MBOAT2: variants seen among roughly 807,000 people sequenced by gnomAD.
The protein encoded by MBOAT2 is membrane bound glycerophospholipid O-acyltransferase 2, also known as membrane-bound glycerophospholipid O-acyltransferase 2.
MBOAT2 carries 28 observed loss-of-function variants against 63.4 expected under a neutral mutation model. That is an observed-to-expected ratio of 0.44 (90% CI 0.33 to 0.61). The LOEUF (loss-of-function observed/expected upper bound fraction) is 0.61. Ranked by LOEUF, MBOAT2 falls within the 20% of genes least tolerant of loss-of-function variation. The probability of loss-of-function intolerance (pLI) is 0.03; values close to 1 mark genes in which losing one functional copy is unlikely to be tolerated. For missense variants in MBOAT2, 470 were observed against 605.8 expected, an observed-to-expected ratio of 0.78 and a Z score of 2.35; for synonymous variants, 211 against 215.6, an observed-to-expected ratio of 0.98 and a Z score of 0.19.
At chr2:8,917,000 A>G (rs1030839404) in intron 3 of MBOAT2, among the ~76,000 whole-genome samples, 5 of 152,240 alleles carry the variant, frequency 3.3e-5, no homozygotes, top group African/African-American at 1.2e-4. Context: ...AAATAAAGCC[A>G]TACATAGATG....
chr2:8,945,711 A>G (rs1289121566), intron 2 of MBOAT2, among the ~76,000 whole-genome samples: 1 of 152,194 alleles, frequency 6.6e-6, no homozygotes, highest in Non-Finnish European at 1.5e-5. Context: ...AGCTACCTAA[A>G]AAGTGCTTTG....
intron 1 of MBOAT2, among the ~76,000 whole-genome samples, chr2:8,992,243 A>G (rs1227171702): frequency 6.6e-6 from 1 of 152,224 alleles, no homozygotes; most frequent in Non-Finnish European, 1.5e-5. Flanking sequence ...CACCCAGTAG[A>G]TAAATGGTTT....
chr2:8,938,282 T>G (rs1156848570), intron 3 of MBOAT2, among the ~76,000 whole-genome samples: 1 of 152,160 alleles, frequency 6.6e-6, no homozygotes, highest in African/African-American at 2.4e-5. Context: ...ACAATATACT[T>G]TGGCCAAAGG....
intron 8 of MBOAT2, among the ~76,000 whole-genome samples, chr2:8,872,455 T>A (rs1248728034): frequency 6.6e-6 from 1 of 152,094 alleles, no homozygotes; most frequent in South Asian, 2.1e-4. Flanking sequence ...TTTTTAAAAA[T>A]CTTTTTGTAG....
chr2:8,939,881 T>G (rs747228107), intron 3 of MBOAT2, among the ~76,000 whole-genome samples: 1 of 152,208 alleles, frequency 6.6e-6, no homozygotes, highest in Non-Finnish European at 1.5e-5. Flanking sequence ...TATCTGTAAT[T>G]CCTTTAACAG....
At position 8,877,107 on chromosome 2, in the gene MBOAT2, T is replaced by C. The variant is rs775452718; in HGVS notation, c.613A>G (p.Arg205Gly). ...YKDYITFIEG[R>G]SYHITQSGEN... ...CCAGATTGTGTGATATGGTATGATC[T>C]GCCTTCAATGAAAGTAATGTAGTCT... The change falls in exon 7 of 13, where the codon AGA (arginine) becomes GGA (glycine). Residue 205 changes from arginine to glycine, a missense_variant. By Grantham distance (125) the Arg-to-Gly change is moderately radical (BLOSUM62 -2). Transcript: ENST00000305997. The C allele has an allele frequency of 1.2e-6, 2 of 1,614,180 alleles. No homozygotes were observed. The highest frequency in any genetic ancestry group is 1.1e-5 in the South Asian group (1 of 91,074).
Position 8,900,243 on chromosome 2 carries a change from G to A in MBOAT2, c.395+8378C>T, listed in dbSNP as rs144452652. 5.5e-3 allele frequency among the ~76,000 whole-genome samples: 837 copies of A among 152,280 alleles called. 7 individuals carry two copies. Among genetic ancestry groups the A allele is most frequent in the African/African-American group, 0.019 (788 of 41,546 alleles). On this transcript the variant is annotated intron_variant, in intron 4 of 12. Coordinates refer to ENST00000305997, the MANE Select transcript of MBOAT2 (RefSeq NM_138799.4). ...CTGGGGATGGCTTGCTGACCAGTAGGGAATTTGTCCCTTTCTTCAGCTGTC... is the reference window on the plus strand; with the variant it reads ...CTGGGGATGGCTTGCTGACCAGTAGAGAATTTGTCCCTTTCTTCAGCTGTC...
intron 3 of MBOAT2, among the ~76,000 whole-genome samples, chr2:8,932,188 A>G (rs1558629118): frequency 6.6e-6 from 1 of 152,194 alleles, no homozygotes; most frequent in Non-Finnish European, 1.5e-5. Flanking sequence ...AAAAGATTCT[A>G]AAGTTATATT....
chr2:8,917,615 C>T (rs913784385), intron 3 of MBOAT2, among the ~76,000 whole-genome samples: 2 of 152,162 alleles, frequency 1.3e-5, no homozygotes, highest in African/African-American at 4.8e-5. Flanking sequence ...AAGGAACTGG[C>T]GCTCGCATAC....
intron 1 of MBOAT2, among the ~76,000 whole-genome samples, chr2:9,002,430 T>C (rs62119997): frequency 0.042 from 6,419 of 152,318 alleles, 149 homozygotes; most frequent in Non-Finnish European, 0.057. Context: ...GAATCCCGTA[T>C]TGAAGTGAAA....
chr2:8,999,828 T>C (rs962462375), intron 1 of MBOAT2, among the ~76,000 whole-genome samples: 1 of 152,248 alleles, frequency 6.6e-6, no homozygotes, highest in African/African-American at 2.4e-5. Context: ...GTAACTTCAC[T>C]TGATAATAGA....
At chr2:8,885,129 A>G (rs1485764530) in intron 5 of MBOAT2, among the ~76,000 whole-genome samples, 2 of 152,210 alleles carry the variant, frequency 1.3e-5, no homozygotes, top group Admixed American at 6.5e-5. Flanking sequence ...GGAATGGCGT[A>G]TCTTCCACTG....
rs558107341 is a variant in MBOAT2 at position 8,873,056 on chromosome 2, G to A, written c.883+52C>T. 5.9e-6 allele frequency: 9 copies of A among 1,527,248 alleles called. No individual in the cohort carries two copies. The East Asian group carries it at 1.1e-4, about 19-fold the overall frequency. The allele number at this position is 1,527,248 out of a possible 1,614,324, so 94.6% of individuals were successfully genotyped here. On this transcript the variant is annotated intron_variant, in intron 8 of 12. Transcript: ENST00000305997. ...CGCACTGATAGCAATCTATCGACAA[G>A]GTAAGAAACGCTTCAACCAGACACA...
intron 9 of MBOAT2, among the ~76,000 whole-genome samples, chr2:8,867,569 T>G (rs972570903): frequency 6.6e-6 from 1 of 152,208 alleles, no homozygotes; most frequent in Non-Finnish European, 1.5e-5. Context: ...CTCATATCTA[T>G]TCTCTGTTCC....
At position 8,868,448 on chromosome 2, in the gene MBOAT2, C is replaced by G; in HGVS notation, c.985G>C (p.Glu329Gln). The change falls in exon 9 of 13, where the codon GAG (glutamate) becomes CAG (glutamine). Residue 329 changes from glutamate to glutamine, a missense_variant and splice_region_variant. Glu to Gln is a conservative substitution (Grantham distance 29). Transcript: ENST00000305997. ...TAACTTCTTAAAGATTGACTCACCT[C>G]TATTTGTTGAATTCTCAAATTGGAA... is the stretch of plus-strand genomic sequence containing the variant. ...LISNLRIQQI[E>Q]MSTSFKMFLD... The G allele has an allele frequency of 6.2e-7, 1 of 1,613,266 alleles. No homozygotes were observed. Among genetic ancestry groups the G allele is most frequent in the Non-Finnish European group, 8.5e-7 (1 of 1,179,498 alleles).
chr2:8,899,033 G>A (rs1210023108), intron 4 of MBOAT2, among the ~76,000 whole-genome samples: 1 of 152,130 alleles, frequency 6.6e-6, no homozygotes, highest in Non-Finnish European at 1.5e-5. Context: ...ACAATATCTT[G>A]CAATCCTTTA....
chr2:8,917,316 G>A (rs1289438418), intron 3 of MBOAT2, among the ~76,000 whole-genome samples: 2 of 151,784 alleles, frequency 1.3e-5, no homozygotes, highest in Non-Finnish European at 2.9e-5. Flanking sequence ...AAAGGAAAAG[G>A]CAAACATAGG....
chr2:8,949,084 T>G (rs1359396825), intron 2 of MBOAT2, among the ~76,000 whole-genome samples: 2 of 152,106 alleles, frequency 1.3e-5, no homozygotes, highest in Non-Finnish European at 2.9e-5. Context: ...TTTCTCTGAT[T>G]AGTAATGTGC....
intron 6 of MBOAT2, among the ~76,000 whole-genome samples, chr2:8,878,387 T>C (rs923352097): frequency 2.0e-5 from 3 of 152,242 alleles, no homozygotes; most frequent in African/African-American, 7.2e-5. Flanking sequence ...AAAGCACAAC[T>C]GCACCTGTGG....
Sources: gnomAD v4.1 joint callset for allele counts (sites outside exome capture counted in the v4.1 genomes callset) on GRCh38, gnomAD v4.1.1 for gene constraint, MANE v1.5 for transcripts, NCBI Gene and HGNC (gene_info 2026-07-23, HGNC 2026-07-21) for gene names.